PSD2: variants seen among roughly 807,000 people sequenced by gnomAD.
The protein encoded by PSD2 is pleckstrin and Sec7 domain containing 2.
In PSD2, 38 loss-of-function variants were observed where a neutral mutation model predicts 69.8. The ratio of observed to expected loss-of-function variants is 0.54; its 90% CI spans 0.42 to 0.71. The LOEUF is 0.71. Among genes scored for constraint, PSD2 ranks in the 30% least tolerant of loss-of-function variants. The pLI is 0.00. For missense variants in PSD2, 943 were observed against 1,014.5 expected (o/e 0.93, Z 0.96); for synonymous variants, 412 against 423.0 (o/e 0.97, Z 0.32).
chr5:139,767,790 G>A, the PSD2 span, among the ~76,000 whole-genome samples: 1 of 152,254 alleles, frequency 6.6e-6, no homozygotes, highest in African/African-American at 2.4e-5. Flanking sequence ...GCCAGGTGCT[G>A]TGCAAAGTGA....
At chr5:139,795,531 C>A (rs1288871431), upstream of PSD2, among the ~76,000 whole-genome samples, 2 of 152,110 alleles carry the variant, frequency 1.3e-5, no homozygotes, top group Non-Finnish European at 1.5e-5. The surrounding 1 kb of genome is among the most constrained non-coding windows in gnomAD (Gnocchi z 4.5). Flanking sequence ...AGGGGCCCAG[C>A]GTGGCTAGGA....
chr5:139,809,241 C>T, intron 1 of PSD2, 150 bp from the exon 2 acceptor site: 1 of 647,240 alleles, frequency 1.5e-6, no homozygotes, highest in African/African-American at 1.8e-5. Context: ...TGGCCCGAAC[C>T]CACACTCCAG....
chr5:139,819,648 C>T (rs983428909), intron 5 of PSD2, among the ~76,000 whole-genome samples: 2 of 152,304 alleles, frequency 1.3e-5, no homozygotes, highest in East Asian at 3.9e-4. Flanking sequence ...GCAGTTCTCT[C>T]CTCTCCAGAA....
At chr5:139,752,300 T>A in the PSD2 span, among the ~76,000 whole-genome samples, 1 of 152,078 alleles carries the variant, frequency 6.6e-6, no homozygotes, top group Non-Finnish European at 1.5e-5. Context: ...TAAAAACATA[T>A]AACTCTCCCC....
chr5:139,832,109 G>T (rs1230420398), intron 7 of PSD2, among the ~76,000 whole-genome samples: 1 of 152,150 alleles, frequency 6.6e-6, no homozygotes, highest in Non-Finnish European at 1.5e-5. Context: ...TGCTGGGAAG[G>T]TTCACCCACA....
At chr5:139,801,607 T>C (rs917064355) in intron 1 of PSD2, among the ~76,000 whole-genome samples, 1 of 152,082 alleles carries the variant, frequency 6.6e-6, no homozygotes, top group Non-Finnish European at 1.5e-5. Context: ...TCTCCACTCC[T>C]CCATACAGAT....
the PSD2 span, among the ~76,000 whole-genome samples, chr5:139,778,955 A>C: frequency 6.6e-6 from 1 of 151,722 alleles, no homozygotes; most frequent in Non-Finnish European, 1.5e-5. Context: ...CAAAAAAAAA[A>C]AAAAAAAGAA....
chr5:139,810,537 C>T (rs1296290278), intron 2 of PSD2, among the ~76,000 whole-genome samples: 1 of 152,176 alleles, frequency 6.6e-6, no homozygotes, highest in Admixed American at 6.5e-5. Flanking sequence ...GCCTGCCCTG[C>T]ATGTCATGTG....
chr5:139,830,561 C>CTTTT (rs1760553735), intron 7 of PSD2, among the ~76,000 whole-genome samples: 1 of 129,604 alleles, frequency 7.7e-6, no homozygotes, highest in African/African-American at 3.5e-5. Flanking sequence ...TTCCTTCCTT[C>CTTTT]CTTCCTTTCT....
At chr5:139,763,265 C>T in the PSD2 span, among the ~76,000 whole-genome samples, 1 of 152,174 alleles carries the variant, frequency 6.6e-6, no homozygotes, top group East Asian at 1.9e-4. Flanking sequence ...ACCTCACACC[C>T]ATTCCTCCTG....
chr5:139,821,230 G>A (rs921437292), intron 5 of PSD2, among the ~76,000 whole-genome samples: 1 of 152,212 alleles, frequency 6.6e-6, no homozygotes, highest in African/African-American at 2.4e-5. Context: ...ACCGCGCCTG[G>A]CCCAGTGATG....
At position 139,837,087 on chromosome 5, in the gene PSD2, A is replaced by G; in HGVS notation, c.1595-81A>G. 2 of 1,596,144 alleles carry G rather than the reference A, an allele frequency of 1.3e-6. No individual in the cohort carries two copies. Among genetic ancestry groups the G allele is most frequent in the Non-Finnish European group, 8.6e-7 (1 of 1,167,082 alleles). On this transcript the variant is annotated intron_variant, in intron 10 of 14. Transcript: ENST00000274710. The surrounding 1 kb of genome is among the most constrained non-coding windows in gnomAD (Gnocchi z 5.0). ...GGCCACTCTTTGGGGACGAACATAC[A>G]GGTGGACACGTAGTGGGAGGTGGGG...
the PSD2 span, among the ~76,000 whole-genome samples, chr5:139,766,052 C>T: frequency 6.6e-6 from 1 of 152,084 alleles, no homozygotes. Flanking sequence ...GGGTAGAGAG[C>T]CTGGGGTCTG....
At chr5:139,771,105 A>G in the PSD2 span, among the ~76,000 whole-genome samples, 1 of 152,244 alleles carries the variant, frequency 6.6e-6, no homozygotes, top group African/African-American at 2.4e-5. Context: ...GTACAGATAC[A>G]TAGATACTTT....
chr5:139,806,276 G>A (rs1314814048), intron 1 of PSD2, among the ~76,000 whole-genome samples: 1 of 152,266 alleles, frequency 6.6e-6, no homozygotes, highest in African/African-American at 2.4e-5. Context: ...CTTGCCAGCA[G>A]GGCTGGAGGT....
chr5:139,813,230 G>T, intron 2 of PSD2, 79 bp from the exon 3 acceptor site: 5 of 1,252,142 alleles, frequency 4.0e-6, no homozygotes, highest in Non-Finnish European at 4.4e-6. Flanking sequence ...GGGGCTCCCA[G>T]ACACAGATGA....
At chr5:139,822,829 AC>A in intron 7 of PSD2, 45 bp downstream of exon 7, 1 of 1,553,786 alleles carries the variant, frequency 6.4e-7, no homozygotes, top group Non-Finnish European at 8.8e-7. Flanking sequence ...CCTCTCAGGG[AC>A]CCACCTTGTG....
Position 139,837,249 on chromosome 5 carries a change from G to T in PSD2, c.1665+11G>T. On this transcript the variant is annotated intron_variant, in intron 11 of 14. Transcript: ENST00000274710. This position sits in a 1 kb window ranked among gnomAD's most constrained non-coding sequence, Gnocchi z 5.0. ...CTGTACCTGCAGAAGGTGAGAGACT[G>T]CCCCAGAGACCTTACTCAGAAAGGG... 1 of 1,613,396 alleles carries T rather than the reference G, an allele frequency of 6.2e-7. No homozygotes were observed. The highest frequency in any genetic ancestry group is 8.5e-7 in the Non-Finnish European group (1 of 1,179,366).
intron 1 of PSD2, 24 bp from the exon 2 acceptor site, chr5:139,809,367 C>T (rs1759891305): frequency 6.5e-7 from 1 of 1,528,556 alleles, no homozygotes; most frequent in Admixed American, 2.3e-5. Flanking sequence ...CTGACCAGTT[C>T]TTCCTCTCTC....
Sources: gnomAD v4.1 joint callset for allele counts (sites outside exome capture counted in the v4.1 genomes callset) on GRCh38, gnomAD v4.1.1 for gene constraint, Gnocchi (gnomAD v3.1) non-coding constraint, MANE v1.5 for transcripts, NCBI Gene and HGNC (gene_info 2026-07-23, HGNC 2026-07-21) for gene names.